NT5C: variants seen among roughly 807,000 people sequenced by gnomAD.
NT5C encodes 5'(3')-deoxyribonucleotidase, cytosolic type.
In NT5C, 14 loss-of-function variants were observed where a neutral mutation model predicts 17.6. The ratio of observed to expected loss-of-function variants is 0.79; its 90% CI spans 0.52 to 1.24. The LOEUF is 1.24. Among genes scored for constraint, NT5C ranks in the 50% most tolerant of loss-of-function variants. The probability of loss-of-function intolerance (pLI) is 0.00; values close to 1 mark genes in which losing one functional copy is unlikely to be tolerated. For missense variants in NT5C, 328 were observed against 278.3 expected (o/e 1.18, Z -1.27); for synonymous variants, 153 against 119.2 (o/e 1.28, Z -1.85).
At position 75,131,169 on chromosome 17, in the gene NT5C, C is replaced by T. The variant is rs746432850; in HGVS notation, c.275+12G>A. 2.5e-6 allele frequency: 4 copies of T among 1,613,074 alleles called. No individual in the cohort carries two copies. The highest frequency in any genetic ancestry group is 1.7e-5 in the Admixed American group (1 of 60,030). ...CCCGCCCAGGACTCCGCCCGCCCCCCTCTCTCCTTACTCCGGTAGGTCGTT... is the reference window on the plus strand; with the variant it reads ...CCCGCCCAGGACTCCGCCCGCCCCCTTCTCTCCTTACTCCGGTAGGTCGTT... On this transcript the variant is annotated intron_variant, in intron 2 of 4. Coordinates refer to ENST00000245552, the MANE Select transcript of NT5C (RefSeq NM_014595.3).
At position 75,131,620 on chromosome 17, in the gene NT5C, A is replaced by G; in HGVS notation, c.88T>C (p.Phe30Leu). 1 of 1,382,392 alleles carries G rather than the reference A, an allele frequency of 7.2e-7. No individual in the cohort carries two copies. The highest frequency in any genetic ancestry group is 9.3e-7 in the Non-Finnish European group (1 of 1,072,858). The allele number at this position is 1,382,392 out of a possible 1,614,324, so 85.6% of individuals were successfully genotyped here. The change falls in exon 1 of 5, where the codon TTC (phenylalanine) becomes CTC (leucine). Residue 30 changes from phenylalanine to leucine, a missense_variant. Coordinates refer to ENST00000245552, the MANE Select transcript of NT5C (RefSeq NM_014595.3). ...AGLLRGFRRRFPEEPHVPLEQ... is the reference protein window; with the variant it reads ...AGLLRGFRRRLPEEPHVPLEQ... Reference sequence around the variant, plus strand: ...AGCGGCACGTGCGGCTCCTCAGGGAAGCGGCGGCGGAAGCCCCGCAGGAGG... The same window carrying G: ...AGCGGCACGTGCGGCTCCTCAGGGAGGCGGCGGCGGAAGCCCCGCAGGAGG...
In NT5C at chr17:75,130,875, G is replaced by C. The variant is rs751220250; in HGVS notation, c.337-8C>G. The C allele has an allele frequency of 1.2e-6, 2 of 1,613,524 alleles. No homozygotes were observed. Among genetic ancestry groups the C allele is most frequent in the South Asian group, 2.2e-5 (2 of 91,072 alleles). ...CTGCTCCACCCAGCGGTACTGTGTA[G>C]AAAACACAGTCTGTGAGTAGGGCCT... On this transcript the variant is annotated splice_polypyrimidine_tract_variant and splice_region_variant and intron_variant, in intron 3 of 4. Coordinates refer to ENST00000245552, the MANE Select transcript of NT5C (RefSeq NM_014595.3).
chr17:75,131,251 C>T lies in NT5C; in HGVS notation c.205G>A (p.Gly69Ser). The change falls in exon 2 of 5, where the codon GGC becomes AGC. Residue 69 changes from glycine (G) to serine (S), a missense_variant. Coordinates refer to ENST00000245552, the MANE Select transcript of NT5C (RefSeq NM_014595.3). ...ATGGGCTCCAGGTCCAGGAAAAAGC[C>T]CGGGGCTTCGTACACACTGGCCACT... The part of the protein sequence containing the change: ...DKVASVYEAP[G>S]FFLDLEPIPG... 3 of 1,614,044 alleles carry T rather than the reference C, an allele frequency of 1.9e-6. No individual in the cohort carries two copies. The highest frequency in any genetic ancestry group is 1.1e-5 in the South Asian group (1 of 91,086).
In NT5C at chr17:75,131,163, G is replaced by GC. The variant is rs773242804; in HGVS notation, c.275+17dup. The GC allele has an allele frequency of 3.1e-6, 5 of 1,612,492 alleles. No homozygotes were observed. Among genetic ancestry groups the GC allele is most frequent in the South Asian group, 2.2e-5 (2 of 91,042 alleles). On this transcript the variant is annotated intron_variant, in intron 2 of 4. Coordinates refer to ENST00000245552, the MANE Select transcript of NT5C (RefSeq NM_014595.3). Reference sequence around the variant, plus strand: ...CAGGAGCCCGCCCAGGACTCCGCCCGCCCCCCTCTCTCCTTACTCCGGTAG... The same window carrying GC: ...CAGGAGCCCGCCCAGGACTCCGCCCGCCCCCCCTCTCTCCTTACTCCGGTAG...
Position 75,131,648 on chromosome 17 carries a change from G to C in NT5C, c.60C>G (p.Ala20=). Residue 20 remains alanine (A), a synonymous_variant, in exon 1 of 5, where the codon GCC becomes GCG. Transcript: ENST00000245552. ...GGCGGCGGAAGCCCCGCAGGAGGCCGGCCTCGAAGTCGGCCAGGACGCCGT... is the reference window on the plus strand; with the variant it reads ...GGCGGCGGAAGCCCCGCAGGAGGCCCGCCTCGAAGTCGGCCAGGACGCCGT... The part of the protein sequence containing the change: ...DMDGVLADFE[A]GLLRGFRRRF... The C allele has an allele frequency of 1.5e-6, 2 of 1,359,236 alleles. No homozygotes were observed. The allele number at this position is 1,359,236 out of a possible 1,614,324, so 84.2% of individuals were successfully genotyped here.
Position 75,131,702 on chromosome 17 carries a change from C to T in NT5C, c.6G>A (p.Ala2=), listed in dbSNP as rs2074130911. 1.6e-6 allele frequency: 2 copies of T among 1,282,818 alleles called. No homozygotes were observed. Among genetic ancestry groups the T allele is most frequent in the Non-Finnish European group, 2.0e-6 (2 of 1,015,536 alleles). The allele number at this position is 1,282,818 out of a possible 1,614,324, so 79.5% of individuals were successfully genotyped here. A position where few individuals can be genotyped will look rare whatever the true frequency, so the allele number is the denominator to read the frequency against. The change falls in exon 1 of 5, where the codon GCG becomes GCA. Residue 2 remains alanine (A), a synonymous_variant. Transcript: ENST00000245552. M[A]RSVRVLVDMD... is the part of the protein sequence containing the mutation. ...TGTCCACCAGCACGCGCACGCTCCG[C>T]GCCATCGCCGCCGGGCCGGAGCTGC...
At position 75,130,614 on chromosome 17, in the gene NT5C, G is replaced by A. The variant is rs2074101318; in HGVS notation, c.480C>T (p.His160=). Reference sequence around the variant, plus strand: ...GATTGTGGCAGCAGGTGAACAAGATGTGCTCCCAGCTTGGGGTCTCCTCCT... The same window carrying A: ...GATTGTGGCAGCAGGTGAACAAGATATGCTCCCAGCTTGGGGTCTCCTCCT... The part of the protein sequence containing the change: ...RGQEETPSWE[H]ILFTCCHNRH... Residue 160 remains histidine (H), a synonymous_variant, in exon 5 of 5, where the codon CAC becomes CAT. Coordinates refer to ENST00000245552, the MANE Select transcript of NT5C (RefSeq NM_014595.3). 6.2e-7 allele frequency: 1 copy of A among 1,612,784 alleles called. No homozygotes were observed. Among genetic ancestry groups the A allele is most frequent in the South Asian group, 1.1e-5 (1 of 90,962 alleles).
In NT5C at chr17:75,131,690, G is replaced by T; in HGVS notation, c.18C>A (p.Arg6=). ...GGACGCCGTCCATGTCCACCAGCAC[G>T]CGCACGCTCCGCGCCATCGCCGCCG... The part of the protein sequence containing the change: MARSV[R]VLVDMDGVLA... The change falls in exon 1 of 5, where the codon CGC becomes CGA. Residue 6 remains arginine, a synonymous_variant. Transcript: ENST00000245552. 1 of 1,306,300 alleles carries T rather than the reference G, an allele frequency of 7.7e-7. No homozygotes were observed. The highest frequency in any genetic ancestry group is 1.5e-5 in the African/African-American group (1 of 65,110). The allele number at this position is 1,306,300 out of a possible 1,614,324, so 80.9% of individuals were successfully genotyped here. A position where few individuals can be genotyped will look rare whatever the true frequency, so the allele number is the denominator to read the frequency against.
Position 75,131,717 on chromosome 17 carries a change from G to A in NT5C, c.-10C>T. The A allele has an allele frequency of 7.8e-7, 1 of 1,274,168 alleles. No homozygotes were observed. The highest frequency in any genetic ancestry group is 9.9e-7 in the Non-Finnish European group (1 of 1,010,962). 78.9% of individuals were successfully genotyped at this position (1,274,168 alleles called of 1,614,324 possible). ...GCACGCTCCGCGCCATCGCCGCCGG[G>A]CCGGAGCTGCGAGCTCTCGGGGTCT... On this transcript the variant is annotated 5_prime_UTR_variant, in exon 1 of 5. Transcript: ENST00000245552.
Position 75,131,723 on chromosome 17 carries a change from G to C in NT5C, c.-16C>G, listed in dbSNP as rs2074131764. The C allele has an allele frequency of 7.9e-7, 1 of 1,272,402 alleles. No individual in the cohort carries two copies. Among genetic ancestry groups the C allele is most frequent in the Non-Finnish European group, 9.9e-7 (1 of 1,010,178 alleles). 78.8% of individuals were successfully genotyped at this position (1,272,402 alleles called of 1,614,324 possible). On this transcript the variant is annotated 5_prime_UTR_variant, in exon 1 of 5. Coordinates refer to ENST00000245552, the MANE Select transcript of NT5C (RefSeq NM_014595.3). Reference sequence around the variant, plus strand: ...TCCGCGCCATCGCCGCCGGGCCGGAGCTGCGAGCTCTCGGGGTCTGGGGGG... The same window carrying C: ...TCCGCGCCATCGCCGCCGGGCCGGACCTGCGAGCTCTCGGGGTCTGGGGGG...
chr17:75,130,385 G>T lies in NT5C; in HGVS notation c.*103C>A. On this transcript the variant is annotated 3_prime_UTR_variant, in exon 5 of 5. Transcript: ENST00000245552. ...ACGGTATCTGCCTGCTCCACTCCACGGGGCCAGAGGCACCAGCACGATGCC... is the reference window on the plus strand; with the variant it reads ...ACGGTATCTGCCTGCTCCACTCCACTGGGCCAGAGGCACCAGCACGATGCC... 7.0e-7 allele frequency: 1 copy of T among 1,431,142 alleles called. No individual in the cohort carries two copies. Among genetic ancestry groups the T allele is most frequent in the Non-Finnish European group, 9.6e-7 (1 of 1,044,628 alleles). 88.7% of individuals were successfully genotyped at this position (1,431,142 alleles called of 1,614,324 possible). A position where few individuals can be genotyped will look rare whatever the true frequency, so the allele number is the denominator to read the frequency against.
At position 75,131,053 on chromosome 17, in the gene NT5C, CCA is replaced by C. The variant is rs1447094316; in HGVS notation, c.326_327del (p.Val109GlyfsTer2). On this transcript the variant is annotated frameshift_variant, in exon 3 of 5. Coordinates refer to ENST00000245552, the MANE Select transcript of NT5C (RefSeq NM_014595.3). LOFTEE classifies it high-confidence loss of function. ...TSPLLKYHHC[V>X]GEKYRWVEQH... ...GGGCGGGGCAGCCACACCTTCTCAC[CCA>C]CACAGTGGTGGTACTTCAGCAGGGG... is the stretch of plus-strand genomic sequence containing the variant. 6.2e-7 allele frequency: 1 copy of C among 1,612,508 alleles called. No individual in the cohort carries two copies. The highest frequency in any genetic ancestry group is 8.5e-7 in the Non-Finnish European group (1 of 1,179,524).
Position 75,131,742 on chromosome 17 carries a change from T to G in NT5C, c.-35A>C, listed in dbSNP as rs773264088. 2,084 of 1,254,136 alleles carry G rather than the reference T, an allele frequency of 1.7e-3. 2 individuals carry two copies. Among genetic ancestry groups the G allele is most frequent in the Non-Finnish European group, 2.0e-3 (2,014 of 999,414 alleles). The allele number at this position is 1,254,136 out of a possible 1,614,324, so 77.7% of individuals were successfully genotyped here. A position where few individuals can be genotyped will look rare whatever the true frequency, so the allele number is the denominator to read the frequency against. On this transcript the variant is annotated 5_prime_UTR_variant, in exon 1 of 5. Coordinates refer to ENST00000245552, the MANE Select transcript of NT5C (RefSeq NM_014595.3). ...GCCGGAGCTGCGAGCTCTCGGGGTCTGGGGGGCGCGGGCTCGGCCGGAAGC... is the reference window on the plus strand; with the variant it reads ...GCCGGAGCTGCGAGCTCTCGGGGTCGGGGGGGCGCGGGCTCGGCCGGAAGC...
chr17:75,130,894 A>T, intron 3 of NT5C, 27 bp from the exon 4 acceptor site: 2 of 1,613,632 alleles, frequency 1.2e-6, no homozygotes, highest in Non-Finnish European at 1.7e-6. Flanking sequence ...GTCTGTGAGT[A>T]GGGCCTGATG....
Position 75,131,291 on chromosome 17 carries a change from A to C in NT5C, c.175-10T>G. 1.2e-6 allele frequency: 2 copies of C among 1,613,110 alleles called. No homozygotes were observed. ...CACTGGCCACTTTATCCTGAAAGAC[A>C]AGAGTTCTGGGTCCCGGCTTCCCGT... On this transcript the variant is annotated splice_polypyrimidine_tract_variant and intron_variant, in intron 1 of 4. Coordinates refer to ENST00000245552, the MANE Select transcript of NT5C (RefSeq NM_014595.3).
Position 75,130,802 on chromosome 17 carries a change from C to A in NT5C, c.402G>T (p.Lys134Asn). Residue 134 changes from lysine to asparagine, a missense_variant, in exon 4 of 5, where the codon AAG (lysine) becomes AAT (asparagine). Coordinates refer to ENST00000245552, the MANE Select transcript of NT5C (RefSeq NM_014595.3). ...TGAGCAGGTCCCCCAAGACCACCGT[C>A]TTGTCCCTTGTCAGGATAATTCGTT... ...FVERIILTRD[K>N]TVVLGDLLID... The A allele has an allele frequency of 6.2e-7, 1 of 1,614,206 alleles. No individual in the cohort carries two copies. Among genetic ancestry groups the A allele is most frequent in the Non-Finnish European group, 8.5e-7 (1 of 1,180,036 alleles).
chr17:75,130,668 G>A (rs1359281260), intron 4 of NT5C, 26 bp from the exon 5 acceptor site: 17 of 1,613,882 alleles, frequency 1.1e-5, no homozygotes, highest in Non-Finnish European at 1.4e-5. Context: ...ACAGCGCGCT[G>A]CCATCTGTCA....
rs777165373 is a variant in NT5C, at chr17:75,131,082, C to CTGGTGCAGATGAAGACCTGCG, written c.278_298dup (p.Thr93_Thr99dup). 1 of 1,613,142 alleles carries CTGGTGCAGATGAAGACCTGCG rather than the reference C, an allele frequency of 6.2e-7. No individual in the cohort carries two copies. The highest frequency in any genetic ancestry group is 8.5e-7 in the Non-Finnish European group (1 of 1,179,764). On this transcript the variant is annotated inframe_insertion, in exon 3 of 5. Coordinates refer to ENST00000245552, the MANE Select transcript of NT5C (RefSeq NM_014595.3). ...ACAGTGGTGGTACTTCAGCAGGGGG[C>CTGGTGCAGATGAAGACCTGCG]TGGTGCAGATGAAGACCTGCGTGCT...
At chr17:75,130,936 C>G (rs146928340) in intron 3 of NT5C, 69 bp from the exon 4 acceptor site, 1 of 1,610,916 alleles carries the variant, frequency 6.2e-7, no homozygotes, top group Non-Finnish European at 8.5e-7. Flanking sequence ...GGACTTGGCT[C>G]TAAGCCCTTG....
Sources: gnomAD v4.1 joint callset for allele counts on GRCh38, gnomAD v4.1.1 for gene constraint, MANE v1.5 for transcripts, NCBI Gene and HGNC (gene_info 2026-07-23, HGNC 2026-07-21) for gene names.